Variants in SDK1 observed in about 807,000 individuals in gnomAD.
The protein encoded by SDK1 is sidekick cell adhesion molecule 1, also known as protein sidekick-1.
SDK1 carries 157 observed loss-of-function variants against 245.5 expected under a neutral mutation model. That is an observed-to-expected ratio of 0.64 (90% confidence interval 0.56 to 0.73). The LOEUF (loss-of-function observed/expected upper bound fraction) is 0.73, where lower values mean the gene tolerates loss of function less well. SDK1 is among the 30% of genes least tolerant of loss of function. The pLI is 0.00. For synonymous variants in SDK1, 1,647 were observed against 1,278.5 expected, an observed-to-expected ratio of 1.29 and a Z score of -6.15; for missense variants, 3,583 against 3,002.3, an observed-to-expected ratio of 1.19 and a Z score of -4.52.
intron 4 of SDK1, among the ~76,000 whole-genome samples, chr7:3,746,557 T>C (rs1779627361): frequency 6.6e-6 from 1 of 152,168 alleles, no homozygotes; most frequent in African/African-American, 2.4e-5. Flanking sequence ...CAACTAAGAG[T>C]ATGTAATGTT....
At chr7:3,842,970 G>A (rs73310074) in intron 5 of SDK1, among the ~76,000 whole-genome samples, 1,890 of 152,148 alleles carry the variant, frequency 0.012, 48 homozygotes, top group African/African-American at 0.043. Flanking sequence ...GTGGCTCAAC[G>A]CACATTCTCA....
intron 13 of SDK1, among the ~76,000 whole-genome samples, chr7:3,981,803 G>A (rs1032841004): frequency 1.1e-4 from 16 of 152,196 alleles, no homozygotes; most frequent in Admixed American, 7.2e-4. Flanking sequence ...GGGTTGGTTT[G>A]TGAGATTTAA....
At chr7:3,411,267 C>T (rs1028944302) in intron 1 of SDK1, among the ~76,000 whole-genome samples, 10 of 152,136 alleles carry the variant, frequency 6.6e-5, no homozygotes, top group Non-Finnish European at 2.9e-5. Flanking sequence ...AGGGTTGATG[C>T]TATCAAGTGC....
At position 4,111,460 on chromosome 7, in the gene SDK1, G is replaced by A. The variant is rs533898535; in HGVS notation, c.3434+688G>A. 5.9e-5 allele frequency among the ~76,000 whole-genome samples: 9 copies of A among 151,972 alleles called. No homozygotes were observed. The South Asian group carries it at 1.9e-3, about 32-fold the overall frequency. ...GAAAGAATAGGAATTAGTAATTCAG[G>A]GACTAAAAGGTGAAATTACATCTTT... On this transcript the variant is annotated intron_variant, in intron 23 of 44. Coordinates refer to ENST00000404826, the MANE Select transcript of SDK1 (RefSeq NM_152744.4).
chr7:3,434,125 C>G (rs969056017), intron 1 of SDK1, among the ~76,000 whole-genome samples: 29 of 152,196 alleles, frequency 1.9e-4, no homozygotes, highest in African/African-American at 6.0e-4. Context: ...CCTGTTCTTG[C>G]TGGTAATTTT....
chr7:4,242,103 G>A (rs1317282929), intron 43 of SDK1, among the ~76,000 whole-genome samples, 190 bp downstream of exon 43: 1 of 152,204 alleles, frequency 6.6e-6, no homozygotes, highest in Non-Finnish European at 1.5e-5. Context: ...GGTCGGCAGA[G>A]CGGCTGGAAA....
chr7:3,467,907 C>G (rs1326421859), intron 1 of SDK1, among the ~76,000 whole-genome samples: 1 of 151,558 alleles, frequency 6.6e-6, no homozygotes, highest in African/African-American at 2.4e-5. Context: ...TATTAGAGAT[C>G]TTTTATGTAG....
At chr7:3,464,468 C>G (rs1013496168) in intron 1 of SDK1, among the ~76,000 whole-genome samples, 2 of 152,164 alleles carry the variant, frequency 1.3e-5, no homozygotes, top group Non-Finnish European at 2.9e-5. Flanking sequence ...CTACAGTGAA[C>G]TACGATTTCG....
chr7:3,313,398 T>TC (rs995158817), intron 1 of SDK1, among the ~76,000 whole-genome samples: 3 of 152,100 alleles, frequency 2.0e-5, no homozygotes, highest in Non-Finnish European at 4.4e-5. Context: ...GGAGCGAGAC[T>TC]CCATCTCAAA....
At chr7:3,678,056 C>G (rs1454724058) in intron 4 of SDK1, among the ~76,000 whole-genome samples, 3 of 152,172 alleles carry the variant, frequency 2.0e-5, no homozygotes, top group Non-Finnish European at 2.9e-5. Context: ...CAGGTCATGA[C>G]ATTAACAGGT....
intron 4 of SDK1, among the ~76,000 whole-genome samples, chr7:3,729,552 A>C (rs945422674): frequency 6.6e-6 from 1 of 152,216 alleles, no homozygotes; most frequent in Non-Finnish European, 1.5e-5. Context: ...CTGACCCACA[A>C]TGCCAACAGT....
chr7:3,630,881 T>C (rs117691035), intron 2 of SDK1, among the ~76,000 whole-genome samples: 1 of 151,968 alleles, frequency 6.6e-6, no homozygotes, highest in Non-Finnish European at 1.5e-5. Context: ...TGAGACAAAT[T>C]ACATAACTAA....
chr7:4,242,638 C>T (rs1310150351), intron 43 of SDK1, among the ~76,000 whole-genome samples: 1 of 152,156 alleles, frequency 6.6e-6, no homozygotes, highest in Non-Finnish European at 1.5e-5. Context: ...CAGACAGCTC[C>T]GGGCTTTCCC....
At chr7:3,997,156 G>A (rs961791117) in intron 14 of SDK1, among the ~76,000 whole-genome samples, 6 of 152,190 alleles carry the variant, frequency 3.9e-5, no homozygotes, top group African/African-American at 9.7e-5. Flanking sequence ...ATTGGAAATT[G>A]TTACGGGATC....
At chr7:3,831,114 G>A (rs1779902425) in intron 5 of SDK1, among the ~76,000 whole-genome samples, 1 of 152,196 alleles carries the variant, frequency 6.6e-6, no homozygotes, top group African/African-American at 2.4e-5. Context: ...TTTTCCTGCA[G>A]TCATTTTACA....
chr7:3,590,015 A>T (rs1780812607), intron 1 of SDK1, among the ~76,000 whole-genome samples: 1 of 152,226 alleles, frequency 6.6e-6, no homozygotes, highest in Non-Finnish European at 1.5e-5. Context: ...CTAGGCCAGG[A>T]TATACGTGAG....
intron 1 of SDK1, among the ~76,000 whole-genome samples, chr7:3,590,814 G>C (rs1323095243): frequency 7.3e-6 from 1 of 136,498 alleles, no homozygotes; most frequent in Non-Finnish European, 1.5e-5. Flanking sequence ...GCCTGGTCTT[G>C]CTCTGTCCCC....
intron 4 of SDK1, among the ~76,000 whole-genome samples, chr7:3,694,574 T>C (rs901616398): frequency 1.9e-5 from 1 of 51,876 alleles, no homozygotes; most frequent in African/African-American, 7.0e-5. Flanking sequence ...GTATTTATGT[T>C]GGTGGGGGGG....
intron 35 of SDK1, among the ~76,000 whole-genome samples, chr7:4,191,781 A>G (rs571618350): frequency 4.6e-5 from 7 of 152,362 alleles, no homozygotes; most frequent in African/African-American, 9.6e-5. Context: ...GCTCTGCACC[A>G]TAGGAGAAGC....
Sources: allele counts gnomAD v4.1 joint callset (sites outside exome capture counted in the v4.1 genomes callset), GRCh38; gene constraint gnomAD v4.1.1; transcripts MANE v1.5; gene names NCBI Gene and HGNC (gene_info 2026-07-23, HGNC 2026-07-21).